Variants in TDRD1 observed in about 807,000 individuals in gnomAD.
The protein encoded by TDRD1 is tudor domain-containing protein 1.
TDRD1 carries 37 observed loss-of-function variants against 140.6 expected under a neutral mutation model. The ratio of observed to expected loss-of-function variants is 0.26; its 90% CI spans 0.20 to 0.35. The LOEUF (loss-of-function observed/expected upper bound fraction) is 0.35. Ranked by LOEUF, TDRD1 falls within the 10% of genes least tolerant of loss-of-function variation. TDRD1 has a pLI of 1.00. For synonymous variants in TDRD1, 506 were observed against 475.7 expected (o/e 1.06, Z -0.83); for missense variants, 1,243 against 1,393.0 (o/e 0.89, Z 1.71).
intron 1 of TDRD1, chr10:114,179,896 A>G (rs2032897356): frequency 6.6e-6 from 1 of 152,156 alleles, no homozygotes; most frequent in African/African-American, 2.4e-5. Context: ...TAAATACGTT[A>G]GCCCTGCTGG....
intron 13 of TDRD1, among the ~76,000 whole-genome samples, chr10:114,211,434 G>A (rs1418016037): frequency 1.1e-4 from 16 of 152,190 alleles, no homozygotes; most frequent in Admixed American, 5.2e-4. Flanking sequence ...AGAGAGGCCC[G>A]GTGGCCTCAT....
chr10:114,202,710 T>C (rs1564946501), intron 6 of TDRD1, among the ~76,000 whole-genome samples: 1 of 152,264 alleles, frequency 6.6e-6, no homozygotes, highest in Non-Finnish European at 1.5e-5. Context: ...TTTTTAGCTT[T>C]CTTTAACTGC....
intron 14 of TDRD1, 68 bp downstream of exon 14, chr10:114,212,104 C>G (rs965313789): frequency 3.5e-6 from 5 of 1,416,294 alleles, no homozygotes; most frequent in Non-Finnish European, 4.7e-6. Flanking sequence ...AAAAGATACA[C>G]GAAATAGGGA....
At chr10:114,203,345 G>A (rs374538353) in intron 7 of TDRD1, 43 bp from the exon 8 acceptor site, 34 of 1,549,590 alleles carry the variant, frequency 2.2e-5, no homozygotes, top group Non-Finnish European at 2.8e-5. Flanking sequence ...ACATTTCCTT[G>A]TGTGCCTTAT....
chr10:114,176,792 GAAAGGAGAA>G (rs1300727534), upstream of TDRD1, among the ~76,000 whole-genome samples: 2 of 152,108 alleles, frequency 1.3e-5, no homozygotes, highest in African/African-American at 4.8e-5. The surrounding 1 kb of genome is among the most constrained non-coding windows in gnomAD (Gnocchi z 4.2). Context: ...GAAAGGAGAG[GAAAGGAGAA>G]AAAGGAGAAA....
At chr10:114,204,672 A>G (rs768487256) in intron 9 of TDRD1, 50 bp from the exon 10 acceptor site, 20 of 1,534,634 alleles carry the variant, frequency 1.3e-5, no homozygotes, top group Non-Finnish European at 1.7e-5. Flanking sequence ...ATTAGAAAAA[A>G]TCATTTTTAA....
intron 7 of TDRD1, 91 bp from the exon 8 acceptor site, chr10:114,203,297 T>TTA: frequency 6.6e-7 from 1 of 1,505,912 alleles, no homozygotes; most frequent in Non-Finnish European, 9.0e-7. Flanking sequence ...CTGCCTACAA[T>TTA]GCTGTTTGTG....
intron 11 of TDRD1, among the ~76,000 whole-genome samples, chr10:114,207,854 A>AG (rs2133034243): frequency 6.6e-6 from 1 of 152,152 alleles, no homozygotes; most frequent in African/African-American, 2.4e-5. Flanking sequence ...TTCTTCGCTA[A>AG]GGCACTGTGA....
chr10:114,217,667 T>A lies in TDRD1; in HGVS notation c.2323+12T>A, dbSNP rs369395348. On this transcript the variant is annotated intron_variant, in intron 17 of 25. Transcript: ENST00000251864. ...TGCTTTTTTTGCAGGTAAGTTGCAATTGATGCAATCTTGACTTTTAGAACC... is the reference window on the plus strand; with the variant it reads ...TGCTTTTTTTGCAGGTAAGTTGCAAATGATGCAATCTTGACTTTTAGAACC... The A allele has an allele frequency of 1.1e-5, 15 of 1,413,416 alleles. No individual in the cohort carries two copies. In the South Asian group the frequency reaches 1.8e-4, roughly 17 times the overall value. The allele number at this position is 1,413,416 out of a possible 1,614,324, so 87.6% of individuals were successfully genotyped here.
upstream of TDRD1, among the ~76,000 whole-genome samples, chr10:114,176,304 C>A (rs1017814258): frequency 2.8e-4 from 42 of 148,678 alleles, no homozygotes; most frequent in Admixed American, 1.1e-3. This position sits in a 1 kb window ranked among gnomAD's most constrained non-coding sequence, Gnocchi z 4.2. Flanking sequence ...AAAAAAAAAA[C>A]CCTGCAGTTA....
chr10:114,179,399 C>G (rs1169062607), exon 1 of TDRD1: 1 of 152,380 alleles, frequency 6.6e-6, no homozygotes, highest in Non-Finnish European at 1.5e-5. Flanking sequence ...GATCCGCGGT[C>G]CTCTTGCCTC....
intron 16 of TDRD1, among the ~76,000 whole-genome samples, chr10:114,216,910 G>A (rs547357304): frequency 6.6e-6 from 1 of 152,270 alleles, no homozygotes; most frequent in African/African-American, 2.4e-5. Flanking sequence ...CTACTAAGTG[G>A]TTTAGATCCC....
At chr10:114,199,777 C>T (rs768818408) in intron 4 of TDRD1, among the ~76,000 whole-genome samples, 6 of 152,210 alleles carry the variant, frequency 3.9e-5, no homozygotes, top group Non-Finnish European at 8.8e-5. Context: ...TTAATCCATG[C>T]CGTTGCACGT....
exon 15 of TDRD1, chr10:114,213,508 A>G (rs991750488): frequency 1.9e-6 from 3 of 1,613,980 alleles, no homozygotes; most frequent in South Asian, 2.2e-5. Flanking sequence ...AGTGTTAGCA[A>G]AGTTCTCCTA....
intron 18 of TDRD1, among the ~76,000 whole-genome samples, chr10:114,219,544 C>T (rs963726748): frequency 6.9e-4 from 104 of 150,396 alleles, no homozygotes; most frequent in African/African-American, 2.5e-3. Context: ...TAATCTGTTT[C>T]TGTTTATTTT....
At chr10:114,213,681 T>G in intron 15 of TDRD1, 93 bp downstream of exon 15, 2 of 1,115,494 alleles carry the variant, frequency 1.8e-6, no homozygotes, top group Non-Finnish European at 2.6e-6. Flanking sequence ...GAATTTATGT[T>G]GAATGCCTTT....
chr10:114,210,114 T>C (rs1031035636), intron 11 of TDRD1, among the ~76,000 whole-genome samples: 1 of 152,224 alleles, frequency 6.6e-6, no homozygotes, highest in African/African-American at 2.4e-5. Context: ...ATGTTGCTTG[T>C]ATCTTTTTTG....
chr10:114,183,933 A>G (rs556695759), intron 1 of TDRD1, among the ~76,000 whole-genome samples: 2 of 152,080 alleles, frequency 1.3e-5, no homozygotes, highest in East Asian at 3.9e-4. Context: ...TGAACGGGAC[A>G]TTTTTATATA....
intron 3 of TDRD1, among the ~76,000 whole-genome samples, chr10:114,198,868 T>A (rs534639900): frequency 2.0e-4 from 30 of 152,256 alleles, no homozygotes; most frequent in Non-Finnish European, 2.8e-4. Flanking sequence ...TGCCTTTTGG[T>A]GTTTCTGGGT....
Sources: allele counts gnomAD v4.1 joint callset (sites outside exome capture counted in the v4.1 genomes callset), GRCh38; gene constraint gnomAD v4.1.1; non-coding constraint Gnocchi (gnomAD v3.1); transcripts MANE v1.5; gene names NCBI Gene and HGNC (gene_info 2026-07-23, HGNC 2026-07-21).